Variants in FUT8 observed in about 807,000 individuals in gnomAD.
The protein encoded by FUT8 is fucosyltransferase 8.
Under a neutral mutation model 71.3 loss-of-function variants are expected in FUT8, and 29 were observed. The observed-to-expected ratio is 0.41, with a 90% confidence interval of 0.30 to 0.55. The LOEUF (loss-of-function observed/expected upper bound fraction) is 0.55. FUT8 is among the 20% of genes least tolerant of loss of function. The probability of loss-of-function intolerance (pLI) is 0.34; values close to 1 mark genes in which losing one functional copy is unlikely to be tolerated. For missense variants in FUT8, 544 were observed against 702.1 expected (o/e 0.77, Z 2.55); for synonymous variants, 254 against 239.3 (o/e 1.06, Z -0.57).
chr14:65,381,886 G>A, the FUT8 span, among the ~76,000 whole-genome samples: 1 of 152,068 alleles, frequency 6.6e-6, no homozygotes. Flanking sequence ...TAAGTTACTG[G>A]CTGTTTTCTC....
chr14:65,656,099 C>T (rs879796930), intron 6 of FUT8, among the ~76,000 whole-genome samples: 22 of 152,026 alleles, frequency 1.4e-4, no homozygotes, highest in South Asian at 4.1e-4. Flanking sequence ...GCTGATTACT[C>T]TAGGTAGAGT....
In FUT8 at chr14:65,471,835, A is replaced by G. The variant is rs114624651; in HGVS notation, c.-228+16117A>G. Among the ~76,000 whole-genome samples the G allele has an allele frequency of 2.6e-3, 390 of 151,264 alleles. 1 individual carries two copies. Among genetic ancestry groups the G allele is most frequent in the African/African-American group, 8.9e-3 (365 of 41,184 alleles). ...CAACTGTACTTAAGGTTATTTTTTG[A>G]CCATTTTTGATGCTTTTGTAACTAG... On this transcript the variant is annotated intron_variant, in intron 2 of 10. Transcript: ENST00000673929.
intron 2 of FUT8, among the ~76,000 whole-genome samples, chr14:65,457,139 G>A (rs2065905172): frequency 6.6e-6 from 1 of 152,092 alleles, no homozygotes; most frequent in Non-Finnish European, 1.5e-5. Flanking sequence ...TCTTCTAAGT[G>A]TATGTTTGTA....
At chr14:65,400,516 T>C in the FUT8 span, among the ~76,000 whole-genome samples, 1 of 152,200 alleles carries the variant, frequency 6.6e-6, no homozygotes, top group Non-Finnish European at 1.5e-5. Flanking sequence ...GTTGCCATTA[T>C]TTATATAAAC....
the FUT8 span, among the ~76,000 whole-genome samples, chr14:65,394,047 C>A: frequency 6.6e-6 from 1 of 152,188 alleles, no homozygotes; most frequent in Non-Finnish European, 1.5e-5. Flanking sequence ...ACCTCCACCT[C>A]CTGGGTTCAA....
At chr14:65,395,833 G>C in the FUT8 span, among the ~76,000 whole-genome samples, 3 of 152,206 alleles carry the variant, frequency 2.0e-5, no homozygotes, top group Admixed American at 2.0e-4. Context: ...ACATTGTCAG[G>C]CTGCAAATTT....
chr14:65,527,279 G>T (rs1240875282), intron 2 of FUT8, among the ~76,000 whole-genome samples: 1 of 151,732 alleles, frequency 6.6e-6, no homozygotes, highest in Non-Finnish European at 1.5e-5. Flanking sequence ...CTCTTTTTTT[G>T]TCTAAACTTC....
At chr14:65,720,937 C>G (rs972454824) in intron 7 of FUT8, among the ~76,000 whole-genome samples, 1 of 152,074 alleles carries the variant, frequency 6.6e-6, no homozygotes, top group Non-Finnish European at 1.5e-5. Flanking sequence ...ACACTGAGTT[C>G]CAGTGCAAAG....
At chr14:65,716,978 T>TG (rs1895107865) in intron 7 of FUT8, among the ~76,000 whole-genome samples, 2 of 68,360 alleles carry the variant, frequency 2.9e-5, no homozygotes, top group Non-Finnish European at 5.7e-5. Context: ...CGGGCAGAGG[T>TG]GCTCCACACT....
chr14:65,567,228 A>T (rs1378666781), intron 3 of FUT8, among the ~76,000 whole-genome samples: 2 of 151,914 alleles, frequency 1.3e-5, no homozygotes, highest in Admixed American at 6.6e-5. Flanking sequence ...TAGAATTTAG[A>T]TGCTAGCTGT....
intron 3 of FUT8, among the ~76,000 whole-genome samples, chr14:65,611,245 A>T: frequency 7.1e-5 from 2 of 28,258 alleles, no homozygotes; most frequent in South Asian, 1.6e-3. Context: ...ACACACACAC[A>T]CACACACACA....
At chr14:65,721,663 A>G (rs969142864) in intron 7 of FUT8, 112 bp from the exon 8 acceptor site, 1 of 1,054,362 alleles carries the variant, frequency 9.5e-7, no homozygotes, top group African/African-American at 1.6e-5. Flanking sequence ...AGTGAAGATT[A>G]TACTTCTTTA....
intron 7 of FUT8, among the ~76,000 whole-genome samples, chr14:65,670,687 A>T (rs1892433827): frequency 1.3e-5 from 2 of 152,280 alleles, no homozygotes; most frequent in Admixed American, 6.5e-5. Context: ...TGTCATCAGC[A>T]AAGTAACTTT....
intron 3 of FUT8, among the ~76,000 whole-genome samples, chr14:65,576,992 C>A (rs1055043006): frequency 4.6e-5 from 7 of 151,624 alleles, no homozygotes. Flanking sequence ...CATGAGCCAC[C>A]ACGCCTGGCC....
chr14:65,481,523 A>G (rs1054816543), intron 2 of FUT8, among the ~76,000 whole-genome samples: 2 of 151,980 alleles, frequency 1.3e-5, no homozygotes, highest in Admixed American at 6.6e-5. Flanking sequence ...GAACAATTTG[A>G]TTAGTTTTGA....
intron 10 of FUT8, among the ~76,000 whole-genome samples, chr14:65,733,603 T>C (rs928727071): frequency 2.0e-5 from 3 of 152,242 alleles, no homozygotes; most frequent in Non-Finnish European, 4.4e-5. Context: ...AATGGTTGAC[T>C]ACATCTCCAC....
chr14:65,742,524 A>T lies in FUT8; in HGVS notation c.*114A>T. On this transcript the variant is annotated 3_prime_UTR_variant, in exon 11 of 11. Transcript: ENST00000673929. ...TGATCTAACAAAATAAGGTTATATG[A>T]GTAGATACTCTCAGCACCAAGAGCA... The T allele has an allele frequency of 4.8e-6, 4 of 839,586 alleles. No individual in the cohort carries two copies. The highest frequency in any genetic ancestry group is 6.1e-4 in the Middle Eastern group (2 of 3,282). The allele number at this position is 839,586 out of a possible 1,614,324, so 52.0% of individuals were successfully genotyped here. A position where few individuals can be genotyped will look rare whatever the true frequency, so the allele number is the denominator to read the frequency against.
intron 7 of FUT8, among the ~76,000 whole-genome samples, chr14:65,697,396 C>T (rs979986736): frequency 2.0e-5 from 3 of 151,876 alleles, no homozygotes; most frequent in Admixed American, 1.3e-4. Context: ...GGAAGTGTTC[C>T]GTAGTAATAT....
intron 1 of FUT8, among the ~76,000 whole-genome samples, chr14:65,455,007 G>A (rs542453074): frequency 6.6e-6 from 1 of 152,260 alleles, no homozygotes; most frequent in South Asian, 2.1e-4. Context: ...CTCTCAGGCA[G>A]GGAGGTATAG....
Sources: gnomAD v4.1 joint callset for allele counts (sites outside exome capture counted in the v4.1 genomes callset) on GRCh38, gnomAD v4.1.1 for gene constraint, MANE v1.5 for transcripts, NCBI Gene and HGNC (gene_info 2026-07-23, HGNC 2026-07-21) for gene names.